The following TTLL12 variants were observed in gnomAD, a reference collection of about 807,000 sequenced individuals.
The protein encoded by TTLL12 is tubulin tyrosine ligase like 12.
TTLL12 carries 77 observed loss-of-function variants against 79.6 expected under a neutral mutation model. The observed-to-expected ratio is 0.97, with a 90% confidence interval of 0.81 to 1.17. The LOEUF is 1.17. Ranked by LOEUF, TTLL12 falls within the 50% of genes most tolerant of loss-of-function variation. The probability of loss-of-function intolerance (pLI) is 0.00; values close to 1 mark genes in which losing one functional copy is unlikely to be tolerated. For missense variants in TTLL12, 969 were observed against 895.9 expected (o/e 1.08, Z -1.04); for synonymous variants, 437 against 376.1 (o/e 1.16, Z -1.87).
chr22:43,172,280 G>T lies in TTLL12; in HGVS notation c.1493+123C>A, dbSNP rs1273433816. The T allele has an allele frequency of 2.5e-6, 3 of 1,222,828 alleles. No homozygotes were observed. In the African/African-American group the frequency reaches 4.5e-5, roughly 18 times the overall value. 75.7% of individuals were successfully genotyped at this position (1,222,828 alleles called of 1,614,324 possible). A position where few individuals can be genotyped will look rare whatever the true frequency, so the allele number is the denominator to read the frequency against. On this transcript the variant is annotated intron_variant, in intron 10 of 13. Transcript: ENST00000216129. ...ATGGGCTCCAAGGGCCGCTAGCTGG[G>T]TGAGTGATGGAGGGTGCCTTCCAAC...
In TTLL12 at chr22:43,186,884, TC is replaced by T; in HGVS notation, c.177+8del. On this transcript the variant is annotated splice_region_variant and intron_variant, in intron 1 of 13. Coordinates refer to ENST00000216129, the MANE Select transcript of TTLL12 (RefSeq NM_015140.4). ...GGCCGCCGCACGTGCCCGCCGCCCT[TC>T]CCCGCACCTCGTGCTCCAGCTTGTG... 2.3e-6 allele frequency: 3 copies of T among 1,278,062 alleles called. No homozygotes were observed. Among genetic ancestry groups the T allele is most frequent in the South Asian group, 4.6e-5 (2 of 43,232 alleles). 79.2% of individuals were successfully genotyped at this position (1,278,062 alleles called of 1,614,324 possible).
intron 1 of TTLL12, among the ~76,000 whole-genome samples, chr22:43,186,192 C>CCCA (rs939167585): frequency 2.2e-5 from 3 of 133,928 alleles, no homozygotes; most frequent in Non-Finnish European, 3.1e-5. Flanking sequence ...AGAAAACACC[C>CCCA]CCCCCCCCGC....
At position 43,178,626 on chromosome 22, in the gene TTLL12, G is replaced by A. The variant is rs931454811; in HGVS notation, c.840+993C>T. Among the ~76,000 whole-genome samples the A allele has an allele frequency of 3.9e-5, 6 of 152,190 alleles. No individual in the cohort carries two copies. The East Asian group carries it at 1.2e-3, about 29-fold the overall frequency. ...ATGAGCCCCCACGCCCAGCCTCCAC[G>A]CGCCCACTCTCACATGGGTCAACTC... is the stretch of plus-strand genomic sequence containing the variant. On this transcript the variant is annotated intron_variant, in intron 5 of 13. Transcript: ENST00000216129.
In TTLL12 at chr22:43,167,782, C is replaced by G. The variant is rs1931655352; in HGVS notation, c.*226G>C. On this transcript the variant is annotated 3_prime_UTR_variant, in exon 14 of 14. Transcript: ENST00000216129. ...TGAGGGCAGGGCGTGGGGTGGTGCT[C>G]AGCCCTGGGGACACCATCACTGTCC... 2 of 485,740 alleles carry G rather than the reference C, an allele frequency of 4.1e-6. No homozygotes were observed. The highest frequency in any genetic ancestry group is 6.9e-5 in the East Asian group (2 of 29,182). The allele number at this position is 485,740 out of a possible 1,614,324, so 30.1% of individuals were successfully genotyped here. A position where few individuals can be genotyped will look rare whatever the true frequency, so the allele number is the denominator to read the frequency against.
intron 1 of TTLL12, among the ~76,000 whole-genome samples, chr22:43,185,241 A>G (rs1932149221): frequency 8.6e-6 from 1 of 116,922 alleles, no homozygotes; most frequent in Admixed American, 9.2e-5. Flanking sequence ...TAAAAAAAGA[A>G]AAAAATTATA....
Position 43,187,101 on chromosome 22 carries a change from C to G in TTLL12, c.-32G>C. 1 of 1,095,272 alleles carries G rather than the reference C, an allele frequency of 9.1e-7. No individual in the cohort carries two copies. Among genetic ancestry groups the G allele is most frequent in the East Asian group, 5.6e-5 (1 of 17,778 alleles). The allele number at this position is 1,095,272 out of a possible 1,614,324, so 67.8% of individuals were successfully genotyped here. ...AGCACCCGCGCCGACTCCAGCGCCG[C>G]CACCGCCGCCGCCGCCCGCCGTCCG... On this transcript the variant is annotated 5_prime_UTR_variant, in exon 1 of 14. Coordinates refer to ENST00000216129, the MANE Select transcript of TTLL12 (RefSeq NM_015140.4).
At chr22:43,174,749 A>G in intron 6 of TTLL12, 134 bp from the exon 7 acceptor site, 1 of 667,094 alleles carries the variant, frequency 1.5e-6, no homozygotes, top group Non-Finnish European at 2.5e-6. Flanking sequence ...GGTTCGAGTC[A>G]TGATGCTGGA....
intron 1 of TTLL12, among the ~76,000 whole-genome samples, chr22:43,183,594 G>A (rs1166421108): frequency 2.0e-5 from 3 of 152,238 alleles, no homozygotes; most frequent in African/African-American, 7.2e-5. Context: ...CTCACCAGAA[G>A]AACCCCTCAA....
In TTLL12 at chr22:43,174,320, G is replaced by T. The variant is rs143374565; in HGVS notation, c.1118C>A (p.Ser373Tyr). ...GGGGCCACCTGCCCGGCGCGCGATG[G>T]AGGCCAGGCAGTCCTTGACAGTCAG... is the stretch of plus-strand genomic sequence containing the variant. ...NLLTVKDCLASIARRAGGPEG... is the reference protein window; with the variant it reads ...NLLTVKDCLAYIARRAGGPEG... The change falls in exon 8 of 14, where the codon TCC becomes TAC. Residue 373 changes from serine to tyrosine, a missense_variant. Transcript: ENST00000216129. 6.2e-7 allele frequency: 1 copy of T among 1,610,248 alleles called. No homozygotes were observed.
chr22:43,174,865 A>G (rs56380569), intron 6 of TTLL12, among the ~76,000 whole-genome samples: 5,044 of 152,256 alleles, frequency 0.033, 215 homozygotes, highest in African/African-American at 0.098. Context: ...CACACCGTCC[A>G]CCTCACATTT....
Position 43,171,884 on chromosome 22 carries a change from CGTT to C in TTLL12, c.1507_1509del (p.Asn503del). 6.2e-7 allele frequency: 1 copy of C among 1,614,136 alleles called. No individual in the cohort carries two copies. The highest frequency in any genetic ancestry group is 8.5e-7 in the Non-Finnish European group (1 of 1,180,008). ...AAGTGCTTCTCGTAGTCATCCAGGTCGTTGAGTGCAAAGGCCCTGGAAGACAAG... is the reference window on the plus strand; with the variant it reads ...AAGTGCTTCTCGTAGTCATCCAGGTCGAGTGCAAAGGCCCTGGAAGACAAG... On this transcript the variant is annotated inframe_deletion, in exon 11 of 14. Transcript: ENST00000216129.
intron 5 of TTLL12, among the ~76,000 whole-genome samples, chr22:43,176,908 A>G (rs1169690651): frequency 6.6e-6 from 1 of 151,878 alleles, no homozygotes; most frequent in Admixed American, 6.6e-5. Flanking sequence ...GATGCCGAAC[A>G]GTCCTAGTTT....
chr22:43,187,123 T>G lies in TTLL12; in HGVS notation c.-54A>C. 1.1e-6 allele frequency: 1 copy of G among 934,686 alleles called. No homozygotes were observed. The highest frequency in any genetic ancestry group is 1.3e-6 in the Non-Finnish European group (1 of 788,384). The allele number at this position is 934,686 out of a possible 1,614,324, so 57.9% of individuals were successfully genotyped here. A position where few individuals can be genotyped will look rare whatever the true frequency, so the allele number is the denominator to read the frequency against. On this transcript the variant is annotated 5_prime_UTR_variant, in exon 1 of 14. Transcript: ENST00000216129. ...CCGCCACCGCCGCCGCCGCCCGCCG[T>G]CCGTCGGCCCTGCCCTCCCGCCTCC...
Position 43,173,739 on chromosome 22 carries a change from G to A in TTLL12, c.1317C>T (p.Ile439=). The A allele has an allele frequency of 6.2e-7, 1 of 1,603,502 alleles. No individual in the cohort carries two copies. The highest frequency in any genetic ancestry group is 1.1e-5 in the South Asian group (1 of 91,070). ...THVTKSLHSI[I]RHRESTPKVV... ...CCTTGGGGGTGCTCTCTCGGTGCCG[G>A]ATGATGCTGTGCAGGCTCTTGGTGA... Residue 439 remains isoleucine, a synonymous_variant, in exon 9 of 14, where the codon ATC becomes ATT. Transcript: ENST00000216129.
At chr22:43,176,286 G>C (rs761536038) in intron 6 of TTLL12, 34 bp downstream of exon 6, 1 of 1,508,894 alleles carries the variant, frequency 6.6e-7, no homozygotes, top group Non-Finnish European at 9.1e-7. Context: ...CTGCGGACAA[G>C]TCCCAGCCCA....
In TTLL12 at chr22:43,176,301, G is replaced by GT. The variant is rs781741018; in HGVS notation, c.917+18dup. ...CTGCGGACAAGTCCCAGCCCAAGCA[G>GT]TGGGGGGGGGCTACGCACTTGAAGA... On this transcript the variant is annotated intron_variant, in intron 6 of 13. Coordinates refer to ENST00000216129, the MANE Select transcript of TTLL12 (RefSeq NM_015140.4). 2.4e-5 allele frequency: 36 copies of GT among 1,518,294 alleles called. No individual in the cohort carries two copies. The highest frequency in any genetic ancestry group is 4.0e-5 in the Admixed American group (2 of 50,590). The allele number at this position is 1,518,294 out of a possible 1,614,324, so 94.1% of individuals were successfully genotyped here.
chr22:43,180,971 C>A (rs73163908), intron 2 of TTLL12, 31 bp from the exon 3 acceptor site: 2 of 1,596,982 alleles, frequency 1.3e-6, no homozygotes, highest in Non-Finnish European at 1.7e-6. Context: ...GTGAGGCTGC[C>A]GGGTGGGCAT....
At chr22:43,173,641 C>T (rs528580179) in intron 9 of TTLL12, 74 bp downstream of exon 9, 11 of 1,417,782 alleles carry the variant, frequency 7.8e-6, no homozygotes, top group South Asian at 1.2e-5. Context: ...CCATGATGCT[C>T]GGTCCCCTTA....
chr22:43,178,565 C>T (rs2147073231), intron 5 of TTLL12, among the ~76,000 whole-genome samples: 1 of 152,306 alleles, frequency 6.6e-6, no homozygotes. Context: ...TTGTGATCCG[C>T]CCGCCTCAGC....
Sources: gnomAD v4.1 joint callset for allele counts (sites outside exome capture counted in the v4.1 genomes callset) on GRCh38, gnomAD v4.1.1 for gene constraint, MANE v1.5 for transcripts, NCBI Gene and HGNC (gene_info 2026-07-23, HGNC 2026-07-21) for gene names.